Variants in TCF7L2 observed in about 807,000 individuals in gnomAD.
TCF7L2 encodes transcription factor 7-like 2.
TCF7L2 carries 23 observed loss-of-function variants against 77.9 expected under a neutral mutation model. That is an observed-to-expected ratio of 0.30 (90% CI 0.21 to 0.42). The LOEUF is 0.42. TCF7L2 is among the 10% of genes least tolerant of loss of function. TCF7L2 has a pLI of 1.00. For synonymous variants in TCF7L2, 413 were observed against 340.2 expected, an observed-to-expected ratio of 1.21 and a Z score of -2.36; for missense variants, 654 against 793.1, an observed-to-expected ratio of 0.82 and a Z score of 2.11.
At chr10:113,055,992 A>G (rs766616543) in intron 5 of TCF7L2, among the ~76,000 whole-genome samples, 6 of 152,208 alleles carry the variant, frequency 3.9e-5, no homozygotes, top group Non-Finnish European at 5.9e-5. Context: ...ATTTTAAGCA[A>G]CTCACTTAGA....
intron 4 of TCF7L2, among the ~76,000 whole-genome samples, chr10:112,997,461 AGATAGT>A (rs1220122284): frequency 6.6e-6 from 1 of 152,192 alleles, no homozygotes; most frequent in East Asian, 1.9e-4. Flanking sequence ...TCCCCCTGTG[AGATAGT>A]GAAACAATGG....
rs3830991 is a variant in TCF7L2 at position 113,144,100 on chromosome 10, C to CTGTGTGTG, written c.788+105_788+112dup. Reference sequence around the variant, plus strand: ...TTTATTATTTATTCTGTGTGTGTGTCTGTGTGTGTGTGTGTGTGTGTGTGT... The same window carrying CTGTGTGTG: ...TTTATTATTTATTCTGTGTGTGTGTCTGTGTGTGTGTGTGTGTGTGTGTGTGTGTGTGT... On this transcript the variant is annotated intron_variant, in intron 7 of 13. Transcript: ENST00000627217. 8.4e-4 allele frequency: 552 copies of CTGTGTGTG among 653,358 alleles called. 5 individuals are homozygous for CTGTGTGTG. The African/African-American group carries it at 9.6e-3, about 11-fold the overall frequency. 40.5% of individuals were successfully genotyped at this position (653,358 alleles called of 1,614,324 possible). A position where few individuals can be genotyped will look rare whatever the true frequency, so the allele number is the denominator to read the frequency against.
intron 4 of TCF7L2, among the ~76,000 whole-genome samples, chr10:112,967,333 A>T (rs1200266391): frequency 6.6e-6 from 1 of 152,184 alleles, no homozygotes; most frequent in Non-Finnish European, 1.5e-5. Context: ...AAAATAACCC[A>T]GAGTACTATG....
At chr10:113,097,467 A>G (rs2061126690) in intron 5 of TCF7L2, among the ~76,000 whole-genome samples, 1 of 151,948 alleles carries the variant, frequency 6.6e-6, no homozygotes, top group Non-Finnish European at 1.5e-5. Flanking sequence ...AGCCTGGCCA[A>G]CATGGTAAAA....
At chr10:113,134,227 G>A (rs527813835) in intron 5 of TCF7L2, among the ~76,000 whole-genome samples, 1 of 151,966 alleles carries the variant, frequency 6.6e-6, no homozygotes, top group East Asian at 1.9e-4. Context: ...GAGGGGAGAG[G>A]GGCACGGGCC....
At chr10:112,992,552 G>A (rs1425609869) in intron 4 of TCF7L2, among the ~76,000 whole-genome samples, 2 of 152,154 alleles carry the variant, frequency 1.3e-5, no homozygotes, top group Admixed American at 6.5e-5. Context: ...GCCGGAGGCT[G>A]CAGGGTGCTA....
rs764894988 is a variant in TCF7L2, at chr10:113,141,177, C to T, written c.553-7C>T. ...GACGGTGTCTTTCTCTGTTCTCCTC[C>T]CCACAGTCTAACAAAGTGCCAGTGG... On this transcript the variant is annotated splice_polypyrimidine_tract_variant and splice_region_variant and intron_variant, in intron 5 of 13. Coordinates refer to ENST00000627217, the MANE Select transcript of TCF7L2 (RefSeq NM_001146274.2). 6.2e-7 allele frequency: 1 copy of T among 1,613,876 alleles called. No homozygotes were observed. The highest frequency in any genetic ancestry group is 8.5e-7 in the Non-Finnish European group (1 of 1,179,860).
At chr10:113,070,843 G>T (rs911460784) in intron 5 of TCF7L2, among the ~76,000 whole-genome samples, 1 of 152,080 alleles carries the variant, frequency 6.6e-6, no homozygotes, top group Admixed American at 6.6e-5. Flanking sequence ...AGTGGTTGTA[G>T]TAGATTCAGG....
chr10:113,164,040 G>T (rs1257635592), intron 13 of TCF7L2, among the ~76,000 whole-genome samples: 1 of 152,208 alleles, frequency 6.6e-6, no homozygotes, highest in Admixed American at 6.5e-5. Flanking sequence ...GCTTACACAC[G>T]TGTTTCCAGT....
intron 4 of TCF7L2, among the ~76,000 whole-genome samples, chr10:112,999,220 A>G (rs1277165526): frequency 6.6e-6 from 1 of 152,192 alleles, no homozygotes; most frequent in Non-Finnish European, 1.5e-5. Flanking sequence ...CTGTCTGTCC[A>G]GGCCTGTGTA....
At chr10:113,121,771 AC>A (rs1178268822) in intron 5 of TCF7L2, among the ~76,000 whole-genome samples, 6 of 137,440 alleles carry the variant, frequency 4.4e-5, no homozygotes, top group African/African-American at 8.8e-5. Context: ...GCACACATAC[AC>A]ACAACACACA....
At position 113,144,036 on chromosome 10, in the gene TCF7L2, C is replaced by G. The variant is rs1168771180; in HGVS notation, c.788+11C>G. 1 of 1,605,276 alleles carries G rather than the reference C, an allele frequency of 6.2e-7. No individual in the cohort carries two copies. Among genetic ancestry groups the G allele is most frequent in the Non-Finnish European group, 8.5e-7 (1 of 1,173,384 alleles). ...ATGGTTAGTACCACAGTAAGGAGTT[C>G]CATTTTTTAATTTCCTTTTTGTTTC... On this transcript the variant is annotated intron_variant, in intron 7 of 13. Coordinates refer to ENST00000627217, the MANE Select transcript of TCF7L2 (RefSeq NM_001146274.2).
chr10:113,133,929 A>G (rs1264081968), intron 5 of TCF7L2, among the ~76,000 whole-genome samples: 1 of 152,190 alleles, frequency 6.6e-6, no homozygotes, highest in East Asian at 1.9e-4. Flanking sequence ...GCCCGGCCAG[A>G]GGATGCAGGC....
At chr10:113,080,371 G>C (rs2059200527) in intron 5 of TCF7L2, among the ~76,000 whole-genome samples, 1 of 151,838 alleles carries the variant, frequency 6.6e-6, no homozygotes, top group African/African-American at 2.4e-5. Context: ...GATGCCCTGG[G>C]TATATACTCT....
chr10:113,019,027 G>A (rs146259230), intron 4 of TCF7L2, among the ~76,000 whole-genome samples: 31 of 152,276 alleles, frequency 2.0e-4, no homozygotes, highest in African/African-American at 6.5e-4. Context: ...GGAGGGTCCC[G>A]GGCCAATGGG....
rs57253976 is a variant in TCF7L2, at chr10:113,044,613, A to T, written c.552+4487A>T. ...GGCCCATGAGGGTATGACCAGGGGG[A>T]CCTGATTTCGGCTGAGAAGTTGGCG... On this transcript the variant is annotated intron_variant, in intron 5 of 13. Coordinates refer to ENST00000627217, the MANE Select transcript of TCF7L2 (RefSeq NM_001146274.2). Among the ~76,000 whole-genome samples the T allele has an allele frequency of 2.8e-3, 426 of 152,162 alleles. 7 individuals carry two copies. Among genetic ancestry groups the T allele is most frequent in the Admixed American group, 9.0e-3 (137 of 15,284 alleles).
intron 4 of TCF7L2, among the ~76,000 whole-genome samples, chr10:113,009,024 G>A (rs6585201): frequency 0.51 from 77,969 of 152,024 alleles, 22,351 homozygotes; most frequent in African/African-American, 0.76. Context: ...TAACCATTGC[G>A]TTCTGGGTTC....
chr10:113,051,238 C>CACACACACAT (rs1246046758), intron 5 of TCF7L2, among the ~76,000 whole-genome samples: 8 of 143,058 alleles, frequency 5.6e-5, no homozygotes, highest in African/African-American at 2.0e-4. Flanking sequence ...CACACACACA[C>CACACACACAT]ACACAGACAC....
chr10:113,137,478 G>A (rs2067599317), intron 5 of TCF7L2, among the ~76,000 whole-genome samples: 4 of 152,198 alleles, frequency 2.6e-5, no homozygotes, highest in Admixed American at 2.6e-4. Context: ...AAGTCTTGAG[G>A]GAGGTCGAAC....
Sources: allele counts gnomAD v4.1 joint callset (sites outside exome capture counted in the v4.1 genomes callset), GRCh38; gene constraint gnomAD v4.1.1; transcripts MANE v1.5; gene names NCBI Gene and HGNC (gene_info 2026-07-23, HGNC 2026-07-21).